Variants in EPB41L3 observed in about 807,000 individuals in gnomAD.
EPB41L3 encodes erythrocyte membrane protein band 4.1 like 3, also known as band 4.1-like protein 3.
EPB41L3 carries 57 observed loss-of-function variants against 127.1 expected under a neutral mutation model. The observed-to-expected ratio is 0.45, with a 90% CI of 0.36 to 0.56. The LOEUF is 0.56. Among genes scored for constraint, EPB41L3 ranks in the 20% least tolerant of loss-of-function variants. The probability of loss-of-function intolerance (pLI) is 0.00; values close to 1 mark genes in which losing one functional copy is unlikely to be tolerated. For missense variants in EPB41L3, 1,273 were observed against 1,372.2 expected, an observed-to-expected ratio of 0.93 and a Z score of 1.14; for synonymous variants, 572 against 549.5, an observed-to-expected ratio of 1.04 and a Z score of -0.57.
intron 1 of EPB41L3, among the ~76,000 whole-genome samples, chr18:5,525,471 A>T (rs921097398): frequency 7.2e-5 from 11 of 152,234 alleles, no homozygotes; most frequent in Admixed American, 1.3e-4. Context: ...TAGTATTACT[A>T]TGCACACTTT....
At chr18:5,461,478 C>G (rs2083994964) in intron 3 of EPB41L3, among the ~76,000 whole-genome samples, 1 of 152,218 alleles carries the variant, frequency 6.6e-6, no homozygotes, top group East Asian at 1.9e-4. Context: ...ATGTTAAACA[C>G]AGCTGTCTGT....
At chr18:5,429,316 TG>T (rs2078659303) in intron 8 of EPB41L3, 1 of 152,214 alleles carries the variant, frequency 6.6e-6, no homozygotes, top group South Asian at 2.1e-4. Flanking sequence ...TATGGATGTG[TG>T]ATGTCCAGAG....
chr18:5,427,991 C>G (rs2078451800), intron 9 of EPB41L3, among the ~76,000 whole-genome samples: 2 of 151,982 alleles, frequency 1.3e-5, no homozygotes, highest in Admixed American at 1.3e-4. Context: ...GTGATCCACG[C>G]CCCCACCCCG....
chr18:5,559,614 G>A (rs2094094264), intron 3 of EPB41L3, among the ~76,000 whole-genome samples: 1 of 152,070 alleles, frequency 6.6e-6, no homozygotes, highest in Non-Finnish European at 1.5e-5. Flanking sequence ...AATATCTTCT[G>A]AGTTCCGAAT....
chr18:5,500,871 T>C (rs1461344140), intron 1 of EPB41L3, among the ~76,000 whole-genome samples: 1 of 152,222 alleles, frequency 6.6e-6, no homozygotes. Flanking sequence ...ACATTTTCTG[T>C]AACTGCACAC....
At chr18:5,554,573 C>T (rs1020029059) in intron 3 of EPB41L3, among the ~76,000 whole-genome samples, 1 of 152,142 alleles carries the variant, frequency 6.6e-6, no homozygotes, top group African/African-American at 2.4e-5. Flanking sequence ...CAGCAACTCC[C>T]AATCACCCTA....
Position 5,580,619 on chromosome 18 carries a change from C to CAT in EPB41L3, c.-306+31719_-306+31720dup, listed in dbSNP as rs777687033. On this transcript the variant is annotated intron_variant, in intron 3 of 21. Transcript: ENST00000545076. Reference sequence around the variant, plus strand: ...TAGTATCAACACATATTCATACACACATATATATATAGATACATGCTCATG... The same window carrying CAT: ...TAGTATCAACACATATTCATACACACATATATATATATAGATACATGCTCATG... Among the ~76,000 whole-genome samples the CAT allele has an allele frequency of 6.6e-5, 10 of 151,928 alleles. 1 individual carries two copies. Among genetic ancestry groups the CAT allele is most frequent in the African/African-American group, 2.2e-4 (9 of 41,358 alleles).
chr18:5,400,554 G>A (rs2143131878), intron 16 of EPB41L3: 2 of 457,678 alleles, frequency 4.4e-6, no homozygotes, highest in East Asian at 1.4e-4. Flanking sequence ...TAACCACAGA[G>A]TCAGCAGAGT....
chr18:5,402,864 A>G (rs2074739490), intron 16 of EPB41L3, among the ~76,000 whole-genome samples: 1 of 152,212 alleles, frequency 6.6e-6, no homozygotes, highest in Admixed American at 6.5e-5. Flanking sequence ...GGTTTCTACA[A>G]ATAAAATTTA....
chr18:5,509,415 G>A (rs906276542), intron 1 of EPB41L3, among the ~76,000 whole-genome samples: 2 of 152,226 alleles, frequency 1.3e-5, no homozygotes, highest in Non-Finnish European at 2.9e-5. Flanking sequence ...TGAGAGAATA[G>A]AGTTAAACGT....
chr18:5,628,470 G>C (rs372246089), intron 1 of EPB41L3, among the ~76,000 whole-genome samples: 1 of 152,218 alleles, frequency 6.6e-6, no homozygotes, highest in African/African-American at 2.4e-5. Flanking sequence ...GGTTGGGTCC[G>C]CCTGGCCTCG....
At chr18:5,457,449 C>T (rs1040762422) in intron 3 of EPB41L3, among the ~76,000 whole-genome samples, 16 of 151,802 alleles carry the variant, frequency 1.1e-4, no homozygotes, top group African/African-American at 3.9e-4. Context: ...CAAGTGATCT[C>T]GGATGGCACA....
intron 9 of EPB41L3, among the ~76,000 whole-genome samples, chr18:5,428,044 C>T (rs577561388): frequency 4.6e-5 from 7 of 152,244 alleles, no homozygotes; most frequent in East Asian, 3.9e-4. Context: ...CGTGAGCCAC[C>T]GCACCCGGCC....
intron 2 of EPB41L3, among the ~76,000 whole-genome samples, chr18:5,484,108 A>AAAAAAAAAAAAAAC (rs1568375516): frequency 7.0e-6 from 1 of 142,792 alleles, no homozygotes; most frequent in Non-Finnish European, 1.5e-5. Flanking sequence ...AAAAAAAAAA[A>AAAAAAAAAAAAAAC]AAAAAAAAAA....
chr18:5,541,712 A>C (rs1318976662), intron 1 of EPB41L3, among the ~76,000 whole-genome samples: 1 of 152,256 alleles, frequency 6.6e-6, no homozygotes, highest in Non-Finnish European at 1.5e-5. Flanking sequence ...CTGATAAAAA[A>C]TTGCTTTTAA....
intron 3 of EPB41L3, among the ~76,000 whole-genome samples, chr18:5,454,005 C>A: frequency 6.6e-6 from 1 of 152,082 alleles, no homozygotes; most frequent in Non-Finnish European, 1.5e-5. Context: ...TAAATGACTG[C>A]ACTACCATTT....
intron 3 of EPB41L3, among the ~76,000 whole-genome samples, chr18:5,601,587 C>T (rs537597505): frequency 3.3e-5 from 5 of 152,264 alleles, no homozygotes; most frequent in African/African-American, 1.2e-4. Flanking sequence ...AATTACGCAG[C>T]AGAGTAACCT....
upstream of EPB41L3, among the ~76,000 whole-genome samples, chr18:5,544,885 C>T (rs569834784): frequency 6.6e-6 from 1 of 152,256 alleles, no homozygotes; most frequent in South Asian, 2.1e-4. Context: ...TGTATCAAAA[C>T]ATCTCATGTA....
Position 5,552,070 on chromosome 18 carries a change from A to G in EPB41L3, c.-306+60270T>C, listed in dbSNP as rs2093974197. On this transcript the variant is annotated intron_variant, in intron 3 of 21. Coordinates refer to the EPB41L3 transcript ENST00000545076. ...ATAAAAATAAACATTGATAACAAGC[A>G]CTTATTTATATCTTTAAAAAATTAC... 2.0e-5 allele frequency among the ~76,000 whole-genome samples: 3 copies of G among 152,252 alleles called. No homozygotes were observed. In the South Asian group the frequency reaches 6.2e-4, roughly 32 times the overall value.
Sources: allele counts gnomAD v4.1 joint callset (sites outside exome capture counted in the v4.1 genomes callset), GRCh38; gene constraint gnomAD v4.1.1; transcripts MANE v1.5; gene names NCBI Gene and HGNC (gene_info 2026-07-23, HGNC 2026-07-21).